PKP4: variants seen among roughly 807,000 people sequenced by gnomAD.
The protein encoded by PKP4 is plakophilin 4.
A neutral mutation model predicts 145.1 loss-of-function variants in PKP4; 90 were observed. The ratio of observed to expected loss-of-function variants is 0.62; its 90% CI spans 0.52 to 0.74. PKP4 has a LOEUF of 0.74. PKP4 is among the 30% of genes least tolerant of loss of function. The probability of loss-of-function intolerance (pLI) is 0.00; values close to 1 mark genes in which losing one functional copy is unlikely to be tolerated. For synonymous variants in PKP4, 563 were observed against 577.2 expected (o/e 0.98, Z 0.35); for missense variants, 1,340 against 1,482.7 (o/e 0.90, Z 1.58).
chr2:158,653,248 T>TG (rs58402379), intron 11 of PKP4, among the ~76,000 whole-genome samples: 138,804 of 152,250 alleles, frequency 0.91, 63,349 homozygotes, highest in East Asian at 0.97. Flanking sequence ...AATGTTTTGT[T>TG]TTTTTTAATA....
At chr2:158,580,061 A>G (rs1204579360) in intron 3 of PKP4, among the ~76,000 whole-genome samples, 1 of 152,214 alleles carries the variant, frequency 6.6e-6, no homozygotes, top group Non-Finnish European at 1.5e-5. Flanking sequence ...ATTTTATTCA[A>G]GAGCCATCTG....
chr2:158,621,889 A>G (rs2052299824), intron 6 of PKP4, among the ~76,000 whole-genome samples: 1 of 152,240 alleles, frequency 6.6e-6, no homozygotes, highest in Admixed American at 6.5e-5. Flanking sequence ...TTTGAGATAC[A>G]ATGTTAAATA....
At chr2:158,623,153 C>G (rs2052415481) in intron 6 of PKP4, among the ~76,000 whole-genome samples, 1 of 152,056 alleles carries the variant, frequency 6.6e-6, no homozygotes, top group Non-Finnish European at 1.5e-5. Flanking sequence ...CTATTACCAC[C>G]CAATCATGCT....
chr2:158,603,218 A>G, intron 4 of PKP4, 114 bp downstream of exon 4: 1 of 556,916 alleles, frequency 1.8e-6, no homozygotes, highest in Admixed American at 3.3e-5. Flanking sequence ...AATAGTGACA[A>G]TATTGCGCTA....
At chr2:158,533,471 G>C in intron 2 of PKP4, 155 bp downstream of exon 2, 1 of 852,346 alleles carries the variant, frequency 1.2e-6, no homozygotes, top group Non-Finnish European at 1.9e-6. Context: ...GGGATGACTG[G>C]CATGTAGAGC....
rs1362564011 is a variant in PKP4, at chr2:158,489,961, AAAC to A, written c.-6+32747_-6+32749del. On this transcript the variant is annotated intron_variant, in intron 1 of 21. Transcript: ENST00000389759. ...CCCTTCCCCCGTGAGCAAAACAACAAAACAACTAACAGTGTGAATCATTTTTCT... is the reference window on the plus strand; with the variant it reads ...CCCTTCCCCCGTGAGCAAAACAACAAAACTAACAGTGTGAATCATTTTTCT... Among the ~76,000 whole-genome samples, 4 of 152,164 alleles carry A rather than the reference AAAC, an allele frequency of 2.6e-5. No homozygotes were observed. The East Asian group carries it at 7.7e-4, about 29-fold the overall frequency.
intron 11 of PKP4, among the ~76,000 whole-genome samples, chr2:158,647,838 G>A (rs1214322403): frequency 2.0e-5 from 3 of 152,278 alleles, no homozygotes; most frequent in Non-Finnish European, 1.5e-5. Context: ...TCCCCAGTTT[G>A]GTTATAAAAT....
intron 4 of PKP4, among the ~76,000 whole-genome samples, chr2:158,606,914 A>C (rs575595273): frequency 6.6e-6 from 1 of 152,218 alleles, no homozygotes; most frequent in African/African-American, 2.4e-5. Context: ...GGGGAATTCT[A>C]TAAGGGAAAA....
chr2:158,461,338 G>A (rs569325895), intron 1 of PKP4, among the ~76,000 whole-genome samples: 1 of 152,144 alleles, frequency 6.6e-6, no homozygotes, highest in East Asian at 1.9e-4. Context: ...TCATAATTCA[G>A]ATTTGTTTGA....
rs759615825 is a variant in PKP4 at position 158,666,616 on chromosome 2, A to G, written c.2728+53A>G. 1.0e-5 allele frequency: 15 copies of G among 1,447,936 alleles called. No individual in the cohort carries two copies. The South Asian group carries it at 1.6e-4, about 15-fold the overall frequency. The allele number at this position is 1,447,936 out of a possible 1,614,324, so 89.7% of individuals were successfully genotyped here. ...AAATGTGAGAGCAGCTACAAAATTC[A>G]TGAAACTCTTCTTTTGATTAATAAA... On this transcript the variant is annotated intron_variant, in intron 16 of 21. Coordinates refer to ENST00000389759, the MANE Select transcript of PKP4 (RefSeq NM_003628.6).
chr2:158,656,659 A>T (rs2055961219), intron 11 of PKP4, among the ~76,000 whole-genome samples: 1 of 152,166 alleles, frequency 6.6e-6, no homozygotes, highest in South Asian at 2.1e-4. Context: ...GCAGAGCAGA[A>T]CACAAGAGGA....
At chr2:158,489,788 A>G (rs1456278753) in intron 1 of PKP4, among the ~76,000 whole-genome samples, 1 of 152,234 alleles carries the variant, frequency 6.6e-6, no homozygotes, top group East Asian at 1.9e-4. Flanking sequence ...GCAAGACAAA[A>G]GTATACATTT....
At chr2:158,510,536 A>G (rs1418752460) in intron 1 of PKP4, among the ~76,000 whole-genome samples, 1 of 152,218 alleles carries the variant, frequency 6.6e-6, no homozygotes, top group African/African-American at 2.4e-5. Context: ...CAATTTCAGA[A>G]CACATTAATG....
At position 158,634,233 on chromosome 2, in the gene PKP4, G is replaced by A. The variant is rs779701819; in HGVS notation, c.1506G>A (p.Pro502=). 37 of 1,613,892 alleles carry A rather than the reference G, an allele frequency of 2.3e-5. No individual in the cohort carries two copies. The highest frequency in any genetic ancestry group is 6.7e-5 in the Admixed American group (4 of 59,996). ...ATAACAGGCTTCAGCATGCAGTGCC[G>A]GCTGATGATGGCACCACAAGATCCC... ...CNYNRLQHAV[P]ADDGTTRSPS... Residue 502 remains proline, a synonymous_variant, in exon 9 of 22, where the codon CCG becomes CCA. Transcript: ENST00000389759.
intron 20 of PKP4, 95 bp downstream of exon 20, chr2:158,676,962 G>GAGAC (rs1472432149): frequency 3.5e-6 from 5 of 1,420,516 alleles, no homozygotes; most frequent in East Asian, 4.6e-5. Context: ...TGCTTGTATT[G>GAGAC]AGACAGTCCC....
At chr2:158,584,374 A>G (rs2048615771) in intron 3 of PKP4, among the ~76,000 whole-genome samples, 1 of 152,236 alleles carries the variant, frequency 6.6e-6, no homozygotes, top group Non-Finnish European at 1.5e-5. Context: ...GGACCAGTGC[A>G]GCCTTCCAAT....
At chr2:158,519,367 T>A (rs1280241706) in intron 1 of PKP4, among the ~76,000 whole-genome samples, 2 of 152,226 alleles carry the variant, frequency 1.3e-5, no homozygotes, top group Admixed American at 6.5e-5. Flanking sequence ...CTTTCTTCTG[T>A]TTGGGGAATT....
intron 2 of PKP4, among the ~76,000 whole-genome samples, chr2:158,555,145 C>T (rs2045980550): frequency 6.6e-6 from 1 of 152,142 alleles, no homozygotes; most frequent in African/African-American, 2.4e-5. Flanking sequence ...CATGCAACAT[C>T]AGCAAAAATG....
At chr2:158,506,849 G>T (rs141896115) in intron 1 of PKP4, among the ~76,000 whole-genome samples, 55 of 152,290 alleles carry the variant, frequency 3.6e-4, no homozygotes, top group African/African-American at 1.3e-3. Flanking sequence ...ATTTTGCCAA[G>T]AAGTTCCTAT....
Sources: gnomAD v4.1 joint callset for allele counts (sites outside exome capture counted in the v4.1 genomes callset) on GRCh38, gnomAD v4.1.1 for gene constraint, MANE v1.5 for transcripts, NCBI Gene and HGNC (gene_info 2026-07-23, HGNC 2026-07-21) for gene names.